The following COL25A1 variants were observed in gnomAD, a reference collection of about 807,000 sequenced individuals.
COL25A1 encodes the protein collagen type XXV alpha 1 chain.
In COL25A1, 103 loss-of-function variants were observed where a neutral mutation model predicts 128.4. The ratio of observed to expected loss-of-function variants is 0.80; its 90% CI spans 0.68 to 0.94. The LOEUF (loss-of-function observed/expected upper bound fraction) is 0.94, where lower values mean the gene tolerates loss of function less well. Among genes scored for constraint, COL25A1 ranks in the 40% least tolerant of loss-of-function variants. The pLI, the probability that COL25A1 is intolerant of heterozygous loss-of-function variation, is 0.00. For synonymous variants in COL25A1, 279 were observed against 277.2 expected, an observed-to-expected ratio of 1.01 and a Z score of -0.06; for missense variants, 745 against 840.0, an observed-to-expected ratio of 0.89 and a Z score of 1.40.
chr4:108,983,034 C>T (rs372029214), intron 6 of COL25A1, among the ~76,000 whole-genome samples: 3 of 152,160 alleles, frequency 2.0e-5, no homozygotes, highest in Non-Finnish European at 4.4e-5. Flanking sequence ...GAATCAGGGA[C>T]GCTCTCTCTG....
chr4:109,147,614 C>T lies in COL25A1; in HGVS notation c.368-97435G>A, dbSNP rs536652624. ...GGCAGATCACTTGAGGTCAGGAGTT[C>T]GAGACCAGCCTGGCCAATGTGGTGA... On this transcript the variant is annotated intron_variant, in intron 3 of 37. Transcript: ENST00000399132. 2.1e-3 allele frequency among the ~76,000 whole-genome samples: 321 copies of T among 152,052 alleles called. 1 individual carries two copies. The highest frequency in any genetic ancestry group is 7.1e-3 in the African/African-American group (293 of 41,500).
intron 13 of COL25A1, among the ~76,000 whole-genome samples, chr4:108,908,039 G>A (rs1743737147): frequency 1.3e-5 from 2 of 152,158 alleles, no homozygotes; most frequent in South Asian, 4.1e-4. Context: ...TGCTGCTCTT[G>A]TTGTTGTTGG....
intron 6 of COL25A1, among the ~76,000 whole-genome samples, chr4:109,000,070 C>G (rs1755196559): frequency 6.6e-6 from 1 of 151,878 alleles, no homozygotes; most frequent in Admixed American, 6.6e-5. Flanking sequence ...ACCTATGTAA[C>G]AAACCTGCAC....
intron 3 of COL25A1, among the ~76,000 whole-genome samples, chr4:109,147,776 C>A (rs1020704240): frequency 1.3e-5 from 2 of 149,036 alleles, no homozygotes; most frequent in African/African-American, 2.5e-5. Context: ...AAGATTGTGC[C>A]ACTGCACTCC....
chr4:108,966,791 G>C (rs2125979717), intron 8 of COL25A1, among the ~76,000 whole-genome samples: 1 of 152,038 alleles, frequency 6.6e-6, no homozygotes, highest in East Asian at 1.9e-4. Flanking sequence ...GGTTGAGGCT[G>C]CAGTGAGCCG....
chr4:109,150,826 T>A (rs1470520559), intron 3 of COL25A1, among the ~76,000 whole-genome samples: 2 of 152,172 alleles, frequency 1.3e-5, no homozygotes, highest in Non-Finnish European at 2.9e-5. Context: ...AGAACCTGTT[T>A]ACTCTTGAGA....
chr4:109,199,742 T>C (rs576391619), intron 3 of COL25A1, among the ~76,000 whole-genome samples: 36 of 152,334 alleles, frequency 2.4e-4, no homozygotes, highest in African/African-American at 7.9e-4. Flanking sequence ...AGCATGGTCA[T>C]GGGACTTCAT....
In COL25A1 at chr4:108,819,634, G is replaced by A. The variant is rs556786185; in HGVS notation, c.1846-305C>T. 3.6e-4 allele frequency among the ~76,000 whole-genome samples: 55 copies of A among 152,250 alleles called. No homozygotes were observed. The Middle Eastern group carries it at 0.031, about 85-fold the overall frequency. ...GTTAAGAAACCAGGCAGAGCTAGTG[G>A]CCCAAGACGAGATGTGGAACGTATC... On this transcript the variant is annotated intron_variant, in intron 35 of 37. Coordinates refer to ENST00000399132, the MANE Select transcript of COL25A1 (RefSeq NM_198721.4).
intron 19 of COL25A1, among the ~76,000 whole-genome samples, chr4:108,874,827 TAAG>T (rs1739242544): frequency 6.6e-6 from 1 of 152,332 alleles, no homozygotes; most frequent in African/African-American, 2.4e-5. Context: ...ATGAATAGCA[TAAG>T]AATAAGTTGG....
intron 6 of COL25A1, among the ~76,000 whole-genome samples, chr4:109,008,768 C>A (rs1413025674): frequency 6.6e-6 from 1 of 151,754 alleles, no homozygotes; most frequent in Admixed American, 6.6e-5. Context: ...CACACACACA[C>A]ACACACACGT....
intron 3 of COL25A1, among the ~76,000 whole-genome samples, chr4:109,300,037 CAAGATA>C (rs1725351471): frequency 1.3e-5 from 2 of 152,032 alleles, no homozygotes; most frequent in South Asian, 4.1e-4. Flanking sequence ...ATGGGAAGCT[CAAGATA>C]AAGAAATCAT....
chr4:109,254,376 G>A (rs1780901335), intron 3 of COL25A1, among the ~76,000 whole-genome samples: 1 of 148,754 alleles, frequency 6.7e-6, no homozygotes, highest in Non-Finnish European at 1.5e-5. Context: ...ACTTACCCCA[G>A]GTCACAAGGC....
In COL25A1 at chr4:109,015,397, G is replaced by A. The variant is rs138378294; in HGVS notation, c.421-5022C>T. ...ATGATTAAGGGTCACAAAACACACC[G>A]TAAGTTGCCTTTTTAAAAATGGAAT... On this transcript the variant is annotated intron_variant, in intron 5 of 37. Transcript: ENST00000399132. Among the ~76,000 whole-genome samples the A allele has an allele frequency of 2.3e-3, 346 of 152,290 alleles. 1 individual carries two copies. Among genetic ancestry groups the A allele is most frequent in the African/African-American group, 8.0e-3 (331 of 41,562 alleles).
intron 3 of COL25A1, among the ~76,000 whole-genome samples, chr4:109,106,595 T>C (rs1262758360): frequency 1.3e-5 from 2 of 152,100 alleles, no homozygotes; most frequent in Admixed American, 1.3e-4. Context: ...AGTGTTATTC[T>C]GGAAAAGTAT....
In COL25A1 at chr4:109,302,201, G is replaced by A; in HGVS notation, c.-89C>T. 2 of 704,144 alleles carry A rather than the reference G, an allele frequency of 2.8e-6. No individual in the cohort carries two copies. The highest frequency in any genetic ancestry group is 2.2e-6 in the Non-Finnish European group (1 of 450,852). 43.6% of individuals were successfully genotyped at this position (704,144 alleles called of 1,614,324 possible). A position where few individuals can be genotyped will look rare whatever the true frequency, so the allele number is the denominator to read the frequency against. ...TTGCTCAGCGTCCAGACCCGCAGGCGTGCACCATCCCCGCTTTCTTCTCTC... is the reference window on the plus strand; with the variant it reads ...TTGCTCAGCGTCCAGACCCGCAGGCATGCACCATCCCCGCTTTCTTCTCTC... On this transcript the variant is annotated 5_prime_UTR_variant, in exon 1 of 38. The change creates a new upstream start codon in the 5' untranslated region. Coordinates refer to ENST00000399132, the MANE Select transcript of COL25A1 (RefSeq NM_198721.4).
At chr4:108,906,863 GA>G (rs1379501929) in intron 13 of COL25A1, among the ~76,000 whole-genome samples, 1 of 152,152 alleles carries the variant, frequency 6.6e-6, no homozygotes, top group Non-Finnish European at 1.5e-5. Flanking sequence ...AGTGTTAGAG[GA>G]ATGAATGAAT....
intron 3 of COL25A1, among the ~76,000 whole-genome samples, chr4:109,242,712 T>C (rs914165853): frequency 3.9e-5 from 6 of 152,130 alleles, no homozygotes; most frequent in Admixed American, 1.3e-4. Flanking sequence ...GTTTTTTTAA[T>C]TCTTTTATTT....
intron 19 of COL25A1, among the ~76,000 whole-genome samples, chr4:108,883,605 AT>A (rs11336287): frequency 0.5 from 75,925 of 152,018 alleles, 20,979 homozygotes; most frequent in East Asian, 0.93. Flanking sequence ...TTTAAAACAA[AT>A]GTTTTCAAAC....
At chr4:108,936,800 A>T (rs868049958) in intron 11 of COL25A1, among the ~76,000 whole-genome samples, 2 of 134,736 alleles carry the variant, frequency 1.5e-5, no homozygotes, top group African/African-American at 5.3e-5. Flanking sequence ...CTGTTTCTTA[A>T]ATATATATAT....
Sources: gnomAD v4.1 joint callset for allele counts (sites outside exome capture counted in the v4.1 genomes callset) on GRCh38, gnomAD v4.1.1 for gene constraint, MANE v1.5 for transcripts, NCBI Gene and HGNC (gene_info 2026-07-23, HGNC 2026-07-21) for gene names.